Variants in CEP162 observed in about 807,000 individuals in gnomAD.
The protein encoded by CEP162 is centrosomal protein of 162 kDa.
CEP162 carries 141 observed loss-of-function variants against 169.2 expected under a neutral mutation model. That is an observed-to-expected ratio of 0.83 (90% CI 0.73 to 0.96). The LOEUF is 0.96. Among genes scored for constraint, CEP162 ranks in the 40% least tolerant of loss-of-function variants. The pLI is 0.00. For missense variants in CEP162, 1,600 were observed against 1,587.2 expected (o/e 1.01, Z -0.14); for synonymous variants, 540 against 526.4 (o/e 1.03, Z -0.35).
chr6:84,171,573 A>G (rs372287657), intron 17 of CEP162, 33 bp downstream of exon 17: 5 of 780,426 alleles, frequency 6.4e-6, no homozygotes, highest in African/African-American at 1.8e-5. Context: ...TAGTCTAAGT[A>G]TATTTGATTT....
At chr6:84,164,450 A>G (rs1337422709) in intron 18 of CEP162, among the ~76,000 whole-genome samples, 1 of 152,202 alleles carries the variant, frequency 6.6e-6, no homozygotes, top group Non-Finnish European at 1.5e-5. Flanking sequence ...GAACCAACCC[A>G]AATGCCCAAT....
intron 21 of CEP162, among the ~76,000 whole-genome samples, chr6:84,159,523 T>TTTTATATATATA (rs1244967462): frequency 8.1e-5 from 3 of 37,138 alleles, no homozygotes; most frequent in African/African-American, 3.3e-4. Flanking sequence ...AATTAATTAT[T>TTTTATATATATA]TATATATATA....
chr6:84,223,700 T>C (rs1588903016), intron 2 of CEP162, among the ~76,000 whole-genome samples: 4 of 150,420 alleles, frequency 2.7e-5, no homozygotes, highest in Admixed American at 2.6e-4. Flanking sequence ...TGAGGTCAGG[T>C]GTTTCGGACC....
In CEP162 at chr6:84,185,263, T is replaced by C. The variant is rs147122753; in HGVS notation, c.1587A>G (p.Glu529=). ...SSPLKMFSTL[E]KKTSEDIIKS... ...TTATAATGTCCTCTGAAGTTTTCTT[T>C]TCAAGAGTAGAAAACATCTTGAGTG... The change falls in exon 13 of 27, where the codon GAA becomes GAG. Residue 529 remains glutamate (E), a synonymous_variant. Transcript: ENST00000403245. The C allele has an allele frequency of 6.0e-5, 96 of 1,613,382 alleles. No individual in the cohort carries two copies. The highest frequency in any genetic ancestry group is 7.8e-5 in the Non-Finnish European group (92 of 1,179,476).
At chr6:84,163,985 A>G (rs2099526766) in intron 18 of CEP162, among the ~76,000 whole-genome samples, 1 of 150,580 alleles carries the variant, frequency 6.6e-6, no homozygotes, top group African/African-American at 2.5e-5. Context: ...CAGAATCTAC[A>G]AGGAACTTAA....
At chr6:84,222,612 G>A (rs1222393190) in intron 2 of CEP162, among the ~76,000 whole-genome samples, 1 of 152,238 alleles carries the variant, frequency 6.6e-6, no homozygotes, top group Non-Finnish European at 1.5e-5. Flanking sequence ...TAAGCAACTT[G>A]CTTAAGTTGC....
At chr6:84,134,919 T>TATACACAC (rs1457258897) in intron 25 of CEP162, among the ~76,000 whole-genome samples, 115 of 148,372 alleles carry the variant, frequency 7.8e-4, no homozygotes, top group African/African-American at 2.6e-3. Flanking sequence ...AGATCATATA[T>TATACACAC]ACACACACAC....
intron 18 of CEP162, among the ~76,000 whole-genome samples, chr6:84,164,052 A>G (rs1232639365): frequency 6.6e-6 from 1 of 151,962 alleles, no homozygotes; most frequent in Non-Finnish European, 1.5e-5. Flanking sequence ...ATATAGACAG[A>G]CTCTTCTCAA....
At chr6:84,195,108 T>C in intron 9 of CEP162, 33 bp from the exon 10 acceptor site, 1 of 1,450,470 alleles carries the variant, frequency 6.9e-7, no homozygotes, top group Non-Finnish European at 9.3e-7. Flanking sequence ...CAGAAATAAT[T>C]ACATCACAAA....
At chr6:84,153,290 A>G (rs1588740846) in intron 22 of CEP162, 111 bp from the exon 23 acceptor site, 3 of 935,940 alleles carry the variant, frequency 3.2e-6, no homozygotes, top group African/African-American at 3.3e-5. Flanking sequence ...TACTCATTAT[A>G]CATTCTGATG....
In CEP162 at chr6:84,136,428, T is replaced by TC. The variant is rs2099514120; in HGVS notation, c.3871-9917_3871-9916insG. 3.3e-5 allele frequency among the ~76,000 whole-genome samples: 5 copies of TC among 152,306 alleles called. No homozygotes were observed. In the South Asian group the frequency reaches 1.0e-3, roughly 32 times the overall value. ...GGAATGAGAACCACTGAACTTATTC[T>TC]TCTATCATGAGCCCACTCCTGTGAT... On this transcript the variant is annotated intron_variant, in intron 25 of 26. Transcript: ENST00000403245.
intron 24 of CEP162, among the ~76,000 whole-genome samples, chr6:84,149,317 A>G (rs1562013514): frequency 1.3e-5 from 2 of 152,116 alleles, no homozygotes; most frequent in African/African-American, 4.8e-5. Flanking sequence ...AACTGTAAAA[A>G]TATTTATTTA....
intron 13 of CEP162, among the ~76,000 whole-genome samples, chr6:84,183,940 T>A (rs2099535976): frequency 6.6e-6 from 1 of 152,050 alleles, no homozygotes; most frequent in African/African-American, 2.4e-5. Flanking sequence ...CTTTGCCTAA[T>A]CCTCATGCGC....
chr6:84,185,508 T>C (rs1228999504), intron 12 of CEP162, 60 bp from the exon 13 acceptor site: 10 of 1,410,668 alleles, frequency 7.1e-6, no homozygotes, highest in Non-Finnish European at 9.8e-6. Flanking sequence ...TTGTTGTAAA[T>C]GAATATTTAA....
chr6:84,222,470 C>T (rs1048117336), intron 2 of CEP162, among the ~76,000 whole-genome samples: 10 of 152,200 alleles, frequency 6.6e-5, no homozygotes, highest in African/African-American at 1.7e-4. Flanking sequence ...TTCTACATTA[C>T]TTTTTCTGGA....
chr6:84,152,961 A>G lies in CEP162; in HGVS notation c.3213T>C (p.Phe1071=), dbSNP rs1273300801. ...GTTCCACCTGGAATTCTATAGACTG[A>G]AAATCTTCATCATCTTTATCATTTT... The part of the protein sequence containing the change: ...VKKNDKDDED[F]QSIEFQVEQA... Residue 1071 remains phenylalanine, a synonymous_variant, in exon 23 of 27, where the codon TTT becomes TTC. Transcript: ENST00000403245. 2.5e-6 allele frequency: 4 copies of G among 1,613,678 alleles called. No individual in the cohort carries two copies. The highest frequency in any genetic ancestry group is 8.5e-7 in the Non-Finnish European group (1 of 1,179,768).
Position 84,185,697 on chromosome 6 carries a change from G to T in CEP162, c.1402-249C>A, listed in dbSNP as rs140413023. Among the ~76,000 whole-genome samples, 1,463 of 152,166 alleles carry T rather than the reference G, an allele frequency of 9.6e-3. 19 individuals carry two copies. Among genetic ancestry groups the T allele is most frequent in the African/African-American group, 0.033 (1,391 of 41,540 alleles). On this transcript the variant is annotated intron_variant, in intron 12 of 26. Coordinates refer to ENST00000403245, the MANE Select transcript of CEP162 (RefSeq NM_014895.4). ...GCAAAATTAGCTTGCCAGAAACCAA[G>T]ATGTGTAATTACTTGAATGAATGCA...
intron 17 of CEP162, among the ~76,000 whole-genome samples, chr6:84,170,679 TTC>T (rs1446406104): frequency 6.6e-6 from 1 of 152,146 alleles, no homozygotes; most frequent in Non-Finnish European, 1.5e-5. Context: ...GAACAGTCCT[TTC>T]TGAGTGATTA....
chr6:84,150,999 T>G (rs1007157308), intron 23 of CEP162, among the ~76,000 whole-genome samples: 1 of 152,006 alleles, frequency 6.6e-6, no homozygotes, highest in Non-Finnish European at 1.5e-5. Flanking sequence ...TATTAGTAAG[T>G]TATGTAGGAG....
Sources: gnomAD v4.1 joint callset for allele counts (sites outside exome capture counted in the v4.1 genomes callset) on GRCh38, gnomAD v4.1.1 for gene constraint, MANE v1.5 for transcripts, NCBI Gene and HGNC (gene_info 2026-07-23, HGNC 2026-07-21) for gene names.